The following EPB41L4A variants were observed in gnomAD, a reference collection of about 807,000 sequenced individuals.
The protein encoded by EPB41L4A is erythrocyte membrane protein band 4.1 like 4A.
A neutral mutation model predicts 108.6 loss-of-function variants in EPB41L4A; 100 were observed. That is an observed-to-expected ratio of 0.92 (90% confidence interval 0.78 to 1.09). EPB41L4A has a LOEUF of 1.09. Ranked by LOEUF, EPB41L4A falls within the 50% of genes least tolerant of loss-of-function variation. EPB41L4A has a pLI of 0.00. For missense variants in EPB41L4A, 1,030 were observed against 842.7 expected, an observed-to-expected ratio of 1.22 and a Z score of -2.75; for synonymous variants, 319 against 289.0, an observed-to-expected ratio of 1.10 and a Z score of -1.05.
In EPB41L4A at chr5:112,240,880, C is replaced by T. The variant is rs945597063; in HGVS notation, c.796-70G>A. The T allele has an allele frequency of 1.4e-5, 13 of 905,416 alleles. No homozygotes were observed. The South Asian group carries it at 2.1e-4, about 15-fold the overall frequency. 56.1% of individuals were successfully genotyped at this position (905,416 alleles called of 1,614,324 possible). A position where few individuals can be genotyped will look rare whatever the true frequency, so the allele number is the denominator to read the frequency against. On this transcript the variant is annotated intron_variant, in intron 9 of 22. Coordinates refer to ENST00000261486, the MANE Select transcript of EPB41L4A (RefSeq NM_022140.5). Reference sequence around the variant, plus strand: ...GAAGATAGCATTCTTCAAATAACAGCCCCCTTTAAGTAACAAAAATTCAAG... The same window carrying T: ...GAAGATAGCATTCTTCAAATAACAGTCCCCTTTAAGTAACAAAAATTCAAG...
chr5:112,240,852 A>G, intron 9 of EPB41L4A, 42 bp from the exon 10 acceptor site: 1 of 1,255,102 alleles, frequency 8.0e-7, no homozygotes, highest in African/African-American at 1.5e-5. Context: ...ATGACCAGGG[A>G]AGGAAGATAG....
chr5:112,307,369 A>G lies in EPB41L4A; in HGVS notation c.204+17T>C, dbSNP rs373897074. The G allele has an allele frequency of 8.4e-6, 13 of 1,551,832 alleles. No homozygotes were observed. Among genetic ancestry groups the G allele is most frequent in the Non-Finnish European group, 1.2e-5 (13 of 1,125,566 alleles). ...ATTTATAACCAGAAAAATTTAACAC[A>G]AAGTCACCTTACTCACCGTCTGATG... On this transcript the variant is annotated intron_variant, in intron 2 of 22. Coordinates refer to ENST00000261486, the MANE Select transcript of EPB41L4A (RefSeq NM_022140.5).
intron 18 of EPB41L4A, among the ~76,000 whole-genome samples, chr5:112,183,010 A>G (rs1462695136): frequency 6.6e-6 from 1 of 152,222 alleles, no homozygotes; most frequent in Non-Finnish European, 1.5e-5. Flanking sequence ...GATAAAATAC[A>G]CACATATACA....
chr5:112,262,697 A>C, intron 6 of EPB41L4A, 116 bp from the exon 7 acceptor site: 5 of 853,972 alleles, frequency 5.9e-6, no homozygotes, highest in Non-Finnish European at 9.2e-6. Flanking sequence ...TTACTAATGC[A>C]AACTTAAGTC....
chr5:112,399,869 T>C (rs759958813), intron 1 of EPB41L4A, among the ~76,000 whole-genome samples: 1 of 152,202 alleles, frequency 6.6e-6, no homozygotes, highest in Non-Finnish European at 1.5e-5. Context: ...CTTTGACTAA[T>C]CCTTCAAAGT....
chr5:112,321,974 A>G (rs1755813379), intron 1 of EPB41L4A, among the ~76,000 whole-genome samples: 1 of 152,228 alleles, frequency 6.6e-6, no homozygotes, highest in East Asian at 1.9e-4. Flanking sequence ...GGGAGGCTTC[A>G]TTAACATTTT....
intron 1 of EPB41L4A, among the ~76,000 whole-genome samples, chr5:112,410,139 G>A (rs1250005846): frequency 6.6e-6 from 1 of 152,184 alleles, no homozygotes; most frequent in African/African-American, 2.4e-5. Flanking sequence ...AAAGGAGGTG[G>A]GTGGGGCTTT....
chr5:112,358,734 T>A (rs766748234), intron 1 of EPB41L4A, among the ~76,000 whole-genome samples: 3 of 152,220 alleles, frequency 2.0e-5, no homozygotes, highest in Non-Finnish European at 4.4e-5. Context: ...AGTGCATATA[T>A]CCAGCAAAAG....
chr5:112,399,901 T>G (rs903719784), intron 1 of EPB41L4A, among the ~76,000 whole-genome samples: 1 of 152,210 alleles, frequency 6.6e-6, no homozygotes, highest in African/African-American at 2.4e-5. Flanking sequence ...CACTTCTCCA[T>G]GGGCCCATCA....
intron 9 of EPB41L4A, among the ~76,000 whole-genome samples, chr5:112,245,582 C>T (rs980748946): frequency 6.6e-6 from 1 of 152,148 alleles, no homozygotes; most frequent in Admixed American, 6.5e-5. Context: ...AGGTTTCTGG[C>T]TCGGGTGCTA....
chr5:112,231,923 A>G (rs181109683), intron 12 of EPB41L4A, among the ~76,000 whole-genome samples: 48 of 151,606 alleles, frequency 3.2e-4, no homozygotes, highest in Admixed American at 3.1e-3. Context: ...GCCTAAACAC[A>G]GCAAGACCCC....
chr5:112,391,739 A>T (rs1371504239), intron 1 of EPB41L4A, among the ~76,000 whole-genome samples: 1 of 152,148 alleles, frequency 6.6e-6, no homozygotes, highest in East Asian at 1.9e-4. Context: ...AACACCATAG[A>T]TACTCCTCAA....
chr5:112,353,093 G>A (rs1758145989), intron 1 of EPB41L4A, among the ~76,000 whole-genome samples: 1 of 152,186 alleles, frequency 6.6e-6, no homozygotes, highest in Non-Finnish European at 1.5e-5. Flanking sequence ...GCAGTAATCA[G>A]CAGCAGTAAT....
intron 18 of EPB41L4A, among the ~76,000 whole-genome samples, chr5:112,176,743 C>CTTT (rs59150913): frequency 1.8e-4 from 12 of 65,850 alleles, no homozygotes; most frequent in Non-Finnish European, 3.0e-4. Flanking sequence ...ACCAGAGCAA[C>CTTT]TTTTTTTTTT....
intron 2 of EPB41L4A, among the ~76,000 whole-genome samples, chr5:112,283,510 C>A (rs754387082): frequency 6.6e-6 from 1 of 152,098 alleles, no homozygotes; most frequent in African/African-American, 2.4e-5. Flanking sequence ...AACACAGCAG[C>A]CTGTTACTCT....
intron 17 of EPB41L4A, among the ~76,000 whole-genome samples, chr5:112,186,694 G>A (rs992041806): frequency 6.6e-5 from 10 of 152,214 alleles, no homozygotes; most frequent in Non-Finnish European, 1.3e-4. Flanking sequence ...AATGGGTAGT[G>A]TGGCGGCCTT....
chr5:112,158,376 T>A (rs776732104), downstream of EPB41L4A: 2 of 381,962 alleles, frequency 5.2e-6, no homozygotes, highest in South Asian at 4.2e-5. Flanking sequence ...AACTAACCCA[T>A]ATAGTACATG....
chr5:112,233,263 T>C (rs1001669612), intron 12 of EPB41L4A, among the ~76,000 whole-genome samples: 2 of 152,148 alleles, frequency 1.3e-5, no homozygotes, highest in Non-Finnish European at 2.9e-5. Context: ...ACTGACAAAT[T>C]ATAATGAAAA....
rs533820749 is a variant in EPB41L4A at position 112,263,066 on chromosome 5, T to A, written c.555-485A>T. On this transcript the variant is annotated intron_variant, in intron 6 of 22. Transcript: ENST00000261486. Reference sequence around the variant, plus strand: ...ACCACATGTGTAGTTTGAAAATACATTGATTAACGTACAGAGATTGTAAAA... The same window carrying A: ...ACCACATGTGTAGTTTGAAAATACAATGATTAACGTACAGAGATTGTAAAA... Among the ~76,000 whole-genome samples the A allele has an allele frequency of 2.0e-5, 3 of 152,318 alleles. No individual in the cohort carries two copies. The East Asian group carries it at 5.8e-4, about 29-fold the overall frequency.
Sources: gnomAD v4.1 joint callset for allele counts (sites outside exome capture counted in the v4.1 genomes callset) on GRCh38, gnomAD v4.1.1 for gene constraint, MANE v1.5 for transcripts, NCBI Gene and HGNC (gene_info 2026-07-23, HGNC 2026-07-21) for gene names.